Variants in NIPBL observed in about 807,000 individuals in gnomAD.
NIPBL encodes the protein NIPBL cohesin loading factor.
NIPBL carries 19 observed loss-of-function variants against 321.8 expected under a neutral mutation model. That is an observed-to-expected ratio of 0.06 (90% CI 0.04 to 0.09). NIPBL has a LOEUF of 0.09. Among genes scored for constraint, NIPBL ranks in the 10% least tolerant of loss-of-function variants. NIPBL has a pLI of 1.00. For missense variants in NIPBL, 2,210 were observed against 3,327.0 expected, an observed-to-expected ratio of 0.66 and a Z score of 8.26; for synonymous variants, 1,106 against 1,114.1, an observed-to-expected ratio of 0.99 and a Z score of 0.14.
In NIPBL at chr5:36,985,015, A is replaced by G. The variant is rs200774440; in HGVS notation, c.1835A>G (p.Glu612Gly). 1.4e-5 allele frequency: 23 copies of G among 1,613,936 alleles called. No individual in the cohort carries two copies. In the African/African-American group the frequency reaches 2.1e-4, roughly 15 times the overall value. ...KKSDPELSKS[E>G]MKQSESRLAE... ...TCTGATCCTGAGCTTTCAAAGAGTGAAATGAAACAAAGTGAAAGTAGATTA... is the reference window on the plus strand; with the variant it reads ...TCTGATCCTGAGCTTTCAAAGAGTGGAATGAAACAAAGTGAAAGTAGATTA... Residue 612 changes from glutamate to glycine, a missense_variant, in exon 10 of 47, where the codon GAA becomes GGA. This residue lies in a region of NIPBL where 588 missense variants were observed against 564.1 expected (regional missense o/e 1.04). Coordinates refer to ENST00000282516, the MANE Select transcript of NIPBL (RefSeq NM_133433.4).
chr5:37,019,071 C>G (rs1749327527), intron 24 of NIPBL, among the ~76,000 whole-genome samples: 1 of 152,138 alleles, frequency 6.6e-6, no homozygotes, highest in African/African-American at 2.4e-5. Context: ...CCACTGGACT[C>G]CAGCCTGGGC....
rs749141253 is a variant in NIPBL, at chr5:36,955,656, A to G, written c.230+19A>G. 13 of 1,606,188 alleles carry G rather than the reference A, an allele frequency of 8.1e-6. No homozygotes were observed. Among genetic ancestry groups the G allele is most frequent in the African/African-American group, 8.0e-5 (6 of 74,770 alleles). The stretch of plus-strand genomic sequence containing the variant: ...ATCACATGTAAGTATGATCAATTTT[A>G]TATCTACTATAAGTGAAAAGTTTTG... On this transcript the variant is annotated intron_variant, in intron 3 of 46. Coordinates refer to ENST00000282516, the MANE Select transcript of NIPBL (RefSeq NM_133433.4).
intron 1 of NIPBL, among the ~76,000 whole-genome samples, chr5:36,923,008 G>A (rs991675241): frequency 4.0e-5 from 6 of 151,060 alleles, no homozygotes; most frequent in African/African-American, 1.5e-4. Context: ...TGGCTTCTAG[G>A]CCAGGGCTGG....
At chr5:36,922,997 C>T (rs921274578) in intron 1 of NIPBL, among the ~76,000 whole-genome samples, 3 of 151,888 alleles carry the variant, frequency 2.0e-5, no homozygotes, top group Admixed American at 6.6e-5. Flanking sequence ...CCAATTAAAG[C>T]TGGCTTCTAG....
chr5:36,913,683 A>T (rs1748229575), intron 1 of NIPBL, among the ~76,000 whole-genome samples: 1 of 152,190 alleles, frequency 6.6e-6, no homozygotes, highest in African/African-American at 2.4e-5. Context: ...TAGTTTTCTT[A>T]ATATATTTTT....
intron 36 of NIPBL, 24 bp from the exon 37 acceptor site, chr5:37,045,418 AG>A (rs1342848580): frequency 6.6e-7 from 1 of 1,504,968 alleles, no homozygotes; most frequent in South Asian, 1.2e-5. Flanking sequence ...AAATATTATA[AG>A]TAAATATTAC....
intron 38 of NIPBL, 74 bp downstream of exon 38, chr5:37,046,273 A>C: frequency 1.2e-6 from 1 of 863,128 alleles, no homozygotes. Flanking sequence ...TGTGAATCTA[A>C]ATTGTTGATT....
intron 10 of NIPBL, among the ~76,000 whole-genome samples, chr5:36,987,505 T>C (rs1384588097): frequency 2.0e-5 from 3 of 152,218 alleles, no homozygotes; most frequent in Non-Finnish European, 1.5e-5. Flanking sequence ...GGTTATTGTT[T>C]TTCATAACAT....
At chr5:37,046,073 G>C (rs1243836673) in intron 37 of NIPBL, 36 bp from the exon 38 acceptor site, 2 of 1,047,246 alleles carry the variant, frequency 1.9e-6, no homozygotes, top group African/African-American at 1.6e-5. Flanking sequence ...CTAAGTTACT[G>C]TTCATGAACA....
intron 9 of NIPBL, among the ~76,000 whole-genome samples, chr5:36,981,609 T>C (rs1220716754): frequency 2.0e-5 from 3 of 151,754 alleles, no homozygotes; most frequent in African/African-American, 7.2e-5. Context: ...TATTCATCTT[T>C]CTTTGCTTCT....
At chr5:36,994,815 G>C (rs187266971) in intron 10 of NIPBL, among the ~76,000 whole-genome samples, 1 of 152,198 alleles carries the variant, frequency 6.6e-6, no homozygotes, top group East Asian at 1.9e-4. Context: ...GTGTTTGTGT[G>C]TATGTGTGTA....
At chr5:36,929,775 G>A (rs1313633423) in intron 1 of NIPBL, among the ~76,000 whole-genome samples, 6 of 151,934 alleles carry the variant, frequency 3.9e-5, no homozygotes, top group African/African-American at 1.4e-4. Flanking sequence ...TTAATGGTCT[G>A]TTTTTAAATT....
At chr5:37,029,774 T>C (rs1202627946) in intron 32 of NIPBL, among the ~76,000 whole-genome samples, 1 of 152,254 alleles carries the variant, frequency 6.6e-6, no homozygotes, top group Non-Finnish European at 1.5e-5. Flanking sequence ...AGTAGTACAT[T>C]ACTTTCTTAA....
chr5:37,034,600 A>T (rs185066036), intron 32 of NIPBL, among the ~76,000 whole-genome samples: 264 of 152,334 alleles, frequency 1.7e-3, no homozygotes, highest in Admixed American at 5.5e-3. Flanking sequence ...ATGATGAGTG[A>T]AAAAAGCAAA....
intron 29 of NIPBL, 79 bp from the exon 30 acceptor site, chr5:37,024,506 G>C: frequency 1.7e-6 from 2 of 1,211,384 alleles, no homozygotes; most frequent in Non-Finnish European, 2.4e-6. Context: ...AATATACTGC[G>C]TATGGATACT....
At chr5:36,946,552 G>A (rs1250215891) in intron 1 of NIPBL, among the ~76,000 whole-genome samples, 1 of 150,456 alleles carries the variant, frequency 6.6e-6, no homozygotes, top group Non-Finnish European at 1.5e-5. Context: ...CAGTGTGTGT[G>A]TGTGTATATA....
chr5:36,939,058 A>G (rs1213693991), intron 1 of NIPBL, among the ~76,000 whole-genome samples: 1 of 152,162 alleles, frequency 6.6e-6, no homozygotes, highest in Non-Finnish European at 1.5e-5. Context: ...GCTGGAATAC[A>G]GTAGTGTAGT....
chr5:37,061,755 G>C (rs1305248447), intron 45 of NIPBL, among the ~76,000 whole-genome samples: 1 of 152,126 alleles, frequency 6.6e-6, no homozygotes, highest in Non-Finnish European at 1.5e-5. Context: ...GTCATTTCTA[G>C]ATTACTTATA....
intron 1 of NIPBL, among the ~76,000 whole-genome samples, chr5:36,912,344 C>T (rs547889050): frequency 1.3e-5 from 2 of 151,838 alleles, no homozygotes; most frequent in South Asian, 2.1e-4. Context: ...TTGAATGTGG[C>T]GATATTGGAT....
Sources: allele counts gnomAD v4.1 joint callset (sites outside exome capture counted in the v4.1 genomes callset), GRCh38; gene constraint gnomAD v4.1.1; regional missense constraint gnomAD v4.1.1; transcripts MANE v1.5; gene names NCBI Gene and HGNC (gene_info 2026-07-23, HGNC 2026-07-21).